The following RADIL variants were observed in gnomAD, a reference collection of about 807,000 sequenced individuals.
The protein encoded by RADIL is ras-associating and dilute domain-containing protein.
In RADIL, 99 loss-of-function variants were observed where a neutral mutation model predicts 97.6. The observed-to-expected ratio is 1.01, with a 90% CI of 0.86 to 1.20. The LOEUF (loss-of-function observed/expected upper bound fraction) is 1.20, where lower values mean the gene tolerates loss of function less well. RADIL is among the 50% of genes most tolerant of loss of function. The pLI, the probability that RADIL is intolerant of heterozygous loss-of-function variation, is 0.00. For synonymous variants in RADIL, 803 were observed against 691.8 expected (o/e 1.16, Z -2.52); for missense variants, 1,765 against 1,498.9 (o/e 1.18, Z -2.93).
intron 2 of RADIL, among the ~76,000 whole-genome samples, chr7:4,845,647 A>AT (rs149860514): frequency 0.03 from 4,527 of 152,144 alleles, 220 homozygotes; most frequent in African/African-American, 0.1. Context: ...GAGAGGTTCC[A>AT]TTTTTTTAGA....
chr7:4,835,667 C>T lies in RADIL; in HGVS notation c.784-428G>A, dbSNP rs570909268. Among the ~76,000 whole-genome samples, 97 of 152,194 alleles carry T rather than the reference C, an allele frequency of 6.4e-4. 1 individual carries two copies. The highest frequency in any genetic ancestry group is 3.4e-3 in the Middle Eastern group (1 of 294). On this transcript the variant is annotated intron_variant, in intron 3 of 14. Transcript: ENST00000399583. This position sits in a 1 kb window ranked among gnomAD's most constrained non-coding sequence, Gnocchi z 5.8. Reference sequence around the variant, plus strand: ...CTGCCGCCTGTGTGAGAGCACTGCCCCGAGGGAAGATGCCACCTAAAACCT... The same window carrying T: ...CTGCCGCCTGTGTGAGAGCACTGCCTCGAGGGAAGATGCCACCTAAAACCT...
chr7:4,829,116 TCTC>T (rs1783072870), intron 5 of RADIL, among the ~76,000 whole-genome samples: 3 of 151,294 alleles, frequency 2.0e-5, no homozygotes, highest in Admixed American at 6.6e-5. Flanking sequence ...CATGCAAACT[TCTC>T]CTCAACACTG....
intron 5 of RADIL, among the ~76,000 whole-genome samples, chr7:4,828,754 C>A (rs1393340582): frequency 6.6e-6 from 1 of 152,190 alleles, no homozygotes; most frequent in Admixed American, 6.5e-5. Context: ...AGGAAAAGCC[C>A]CCCAGGCATG....
At chr7:4,865,573 A>G (rs757779778) in intron 2 of RADIL, 10 of 793,276 alleles carry the variant, frequency 1.3e-5, no homozygotes, top group Admixed American at 6.8e-5. Context: ...TTTTTGAGAA[A>G]GGGACCTCGG....
At chr7:4,881,414 CAAAAA>C (rs58871429) in intron 1 of RADIL, among the ~76,000 whole-genome samples, 8 of 82,270 alleles carry the variant, frequency 9.7e-5, no homozygotes, top group East Asian at 3.3e-4. Flanking sequence ...GACTCCCTCT[CAAAAA>C]AAAAAAAAAA....
At position 4,824,054 on chromosome 7, in the gene RADIL, G is replaced by A. The variant is rs1284847574; in HGVS notation, c.1455-1500C>T. ...CCCTGAGCAGTGAGCAGAAGGCCGT[G>A]TGTGCCCCTGAGCAGTGAGCAGAAG... is the stretch of plus-strand genomic sequence containing the variant. On this transcript the variant is annotated intron_variant, in intron 5 of 14. Coordinates refer to ENST00000399583, the MANE Select transcript of RADIL (RefSeq NM_018059.5). The surrounding 1 kb of genome is among the most constrained non-coding windows in gnomAD (Gnocchi z 6.7). Among the ~76,000 whole-genome samples the A allele has an allele frequency of 6.6e-6, 1 of 152,188 alleles. No homozygotes were observed. The highest frequency in any genetic ancestry group is 1.5e-5 in the Non-Finnish European group (1 of 68,030).
intron 5 of RADIL, among the ~76,000 whole-genome samples, chr7:4,828,931 C>G (rs1005622421): frequency 1.1e-4 from 16 of 152,124 alleles, no homozygotes; most frequent in African/African-American, 3.6e-4. Flanking sequence ...GCCCAGCAAA[C>G]AGGCACTGGG....
rs534099883 is a variant in RADIL, at chr7:4,799,694, G to A, written c.3058C>T (p.Leu1020=). 5.1e-6 allele frequency: 8 copies of A among 1,579,518 alleles called. No individual in the cohort carries two copies. Among genetic ancestry groups the A allele is most frequent in the African/African-American group, 4.0e-5 (3 of 74,534 alleles). The change falls in exon 14 of 15, where the codon CTG becomes TTG. Residue 1020 remains leucine (L), a synonymous_variant. Transcript: ENST00000399583. ...TCCAGGATACGGTCCCCCAGCGACA[G>A]GCGCCCGTCGGCCGCTGCGGGGCTG... ...PGSPAAADGR[L]SLGDRILEVN...
chr7:4,860,541 C>T, intron 2 of RADIL: 1 of 1,614,216 alleles, frequency 6.2e-7, no homozygotes, highest in Non-Finnish European at 8.5e-7. Context: ...TCTTTGGGTG[C>T]TGGAAATGAC....
At position 4,815,961 on chromosome 7, in the gene RADIL, C is replaced by T. The variant is rs927036341; in HGVS notation, c.1966+267G>A. ...TCCAATGATGCCCTGAGCCCGTTCC[C>T]TCCCTGTCACGGGGAAGGGGTCCCA... is the stretch of plus-strand genomic sequence containing the variant. On this transcript the variant is annotated intron_variant, in intron 8 of 14. Coordinates refer to ENST00000399583, the MANE Select transcript of RADIL (RefSeq NM_018059.5). The surrounding 1 kb of genome is among the most constrained non-coding windows in gnomAD (Gnocchi z 8.0). 6.6e-6 allele frequency among the ~76,000 whole-genome samples: 1 copy of T among 152,210 alleles called. No individual in the cohort carries two copies. Among genetic ancestry groups the T allele is most frequent in the Non-Finnish European group, 1.5e-5 (1 of 68,030 alleles).
chr7:4,859,918 T>C, intron 2 of RADIL: 1 of 1,611,634 alleles, frequency 6.2e-7, no homozygotes, highest in South Asian at 1.1e-5. Flanking sequence ...GATATGTTTG[T>C]TGCTGAGTTT....
chr7:4,836,275 G>T (rs1783296189), intron 3 of RADIL, 83 bp downstream of exon 3: 1 of 1,536,458 alleles, frequency 6.5e-7, no homozygotes, highest in Non-Finnish European at 8.8e-7. Flanking sequence ...TGGGCTAAAG[G>T]CAGGCGGAGG....
chr7:4,838,843 C>T (rs117327787), intron 2 of RADIL, among the ~76,000 whole-genome samples: 2,295 of 152,336 alleles, frequency 0.015, 32 homozygotes, highest in Middle Eastern at 0.027. Flanking sequence ...CTGGCACAGC[C>T]GTGGGCATGG....
At position 4,840,126 on chromosome 7, in the gene RADIL, G is replaced by A. The variant is rs1237895566; in HGVS notation, c.536-3521C>T. On this transcript the variant is annotated intron_variant, in intron 2 of 14. Transcript: ENST00000399583. This position sits in a 1 kb window ranked among gnomAD's most constrained non-coding sequence, Gnocchi z 5.6. The stretch of plus-strand genomic sequence containing the variant: ...ACGTGTGGCTTTGTGACTTGGCCCT[G>A]TCCCAAGATGAGGCTGCGGCAGATG... 6.6e-6 allele frequency among the ~76,000 whole-genome samples: 1 copy of A among 152,192 alleles called. No individual in the cohort carries two copies. Among genetic ancestry groups the A allele is most frequent in the African/African-American group, 2.4e-5 (1 of 41,440 alleles).
At position 4,816,218 on chromosome 7, in the gene RADIL, A is replaced by AGGC; in HGVS notation, c.1966+7_1966+9dup. 1 of 1,603,972 alleles carries AGGC rather than the reference A, an allele frequency of 6.2e-7. No individual in the cohort carries two copies. Reference sequence around the variant, plus strand: ...GCCCCCGACCCCTCAACCCTGCACGAGGCCCTCACCCCTGTCGAGGAGCTG... The same window carrying AGGC: ...GCCCCCGACCCCTCAACCCTGCACGAGGCGGCCCTCACCCCTGTCGAGGAGCTG... On this transcript the variant is annotated intron_variant, in intron 8 of 14. Transcript: ENST00000399583.
rs896440901 is a variant in RADIL at position 4,846,663 on chromosome 7, A to G, written c.536-10058T>C. Among the ~76,000 whole-genome samples, 7 of 150,888 alleles carry G rather than the reference A, an allele frequency of 4.6e-5. 1 individual carries two copies. Among genetic ancestry groups the G allele is most frequent in the Non-Finnish European group, 8.8e-5 (6 of 67,856 alleles). On this transcript the variant is annotated intron_variant, in intron 2 of 14. Transcript: ENST00000399583. Reference sequence around the variant, plus strand: ...CAGGTTCAAGCGATTCTCCTGCCTCAGCCTCCCAAGTAGCTGGGATTACAG... The same window carrying G: ...CAGGTTCAAGCGATTCTCCTGCCTCGGCCTCCCAAGTAGCTGGGATTACAG...
intron 2 of RADIL, among the ~76,000 whole-genome samples, chr7:4,848,000 A>T (rs985113298): frequency 6.6e-6 from 1 of 152,154 alleles, no homozygotes; most frequent in African/African-American, 2.4e-5. Flanking sequence ...GTTCGAGACC[A>T]GCCTGGGTGA....
At chr7:4,826,153 A>G (rs1782969771) in intron 5 of RADIL, among the ~76,000 whole-genome samples, 1 of 151,954 alleles carries the variant, frequency 6.6e-6, no homozygotes, top group South Asian at 2.1e-4. Flanking sequence ...GGCTGCAGTG[A>G]GCTCTGACTG....
Position 4,822,289 on chromosome 7 carries a change from C to T in RADIL, c.1615+105G>A. The T allele has an allele frequency of 7.5e-7, 1 of 1,339,804 alleles. No homozygotes were observed. Among genetic ancestry groups the T allele is most frequent in the Non-Finnish European group, 1.0e-6 (1 of 1,001,138 alleles). 83.0% of individuals were successfully genotyped at this position (1,339,804 alleles called of 1,614,324 possible). On this transcript the variant is annotated intron_variant, in intron 6 of 14. Transcript: ENST00000399583. The surrounding 1 kb of genome is among the most constrained non-coding windows in gnomAD (Gnocchi z 5.3). ...ACTGAGGAAGCCCCCGGCATGAATCCACCCCTGCTATCATGGCCAACTAGG... is the reference window on the plus strand; with the variant it reads ...ACTGAGGAAGCCCCCGGCATGAATCTACCCCTGCTATCATGGCCAACTAGG...
Sources: gnomAD v4.1 joint callset for allele counts (sites outside exome capture counted in the v4.1 genomes callset) on GRCh38, gnomAD v4.1.1 for gene constraint, Gnocchi (gnomAD v3.1) non-coding constraint, MANE v1.5 for transcripts, NCBI Gene and HGNC (gene_info 2026-07-23, HGNC 2026-07-21) for gene names.